HSPA4: variants seen among roughly 807,000 people sequenced by gnomAD.
HSPA4 encodes the protein heat shock 70 kDa protein 4.
HSPA4 carries 25 observed loss-of-function variants against 106.2 expected under a neutral mutation model. That is an observed-to-expected ratio of 0.24 (90% CI 0.17 to 0.33). The LOEUF (loss-of-function observed/expected upper bound fraction) is 0.33, where lower values mean the gene tolerates loss of function less well. Ranked by LOEUF, HSPA4 falls within the 10% of genes least tolerant of loss-of-function variation. HSPA4 has a pLI of 1.00. For missense variants in HSPA4, 841 were observed against 996.0 expected, an observed-to-expected ratio of 0.84 and a Z score of 2.10; for synonymous variants, 332 against 333.6, an observed-to-expected ratio of 1.00 and a Z score of 0.05.
At chr5:133,102,300 C>G (rs1387339802) in intron 17 of HSPA4, among the ~76,000 whole-genome samples, 1 of 152,256 alleles carries the variant, frequency 6.6e-6, no homozygotes, top group East Asian at 1.9e-4. Flanking sequence ...TTTAATAGCA[C>G]TTTTTATTTT....
chr5:133,103,705 T>G (rs1238027672), intron 17 of HSPA4, among the ~76,000 whole-genome samples, 160 bp from the exon 18 acceptor site: 1 of 152,178 alleles, frequency 6.6e-6, no homozygotes, highest in East Asian at 1.9e-4. Context: ...AAAATTGTGG[T>G]TAGGTTTCTT....
At chr5:133,102,226 C>T (rs57376752) in intron 17 of HSPA4, among the ~76,000 whole-genome samples, 3,275 of 152,252 alleles carry the variant, frequency 0.022, 109 homozygotes, top group African/African-American at 0.074. Context: ...CCACTGCTCC[C>T]GGCCGTAAAG....
intron 14 of HSPA4, 27 bp downstream of exon 14, chr5:133,096,277 A>G (rs1157398824): frequency 3.8e-6 from 6 of 1,595,292 alleles, no homozygotes; most frequent in East Asian, 2.2e-5. Flanking sequence ...TATTGGAACA[A>G]TGAGCTAACA....
At chr5:133,088,072 T>C (rs4616886) in intron 8 of HSPA4, among the ~76,000 whole-genome samples, 22,296 of 152,220 alleles carry the variant, frequency 0.15, 2,068 homozygotes, top group Middle Eastern at 0.3. Flanking sequence ...GCTAGCGTGT[T>C]TGAATGTTTG....
chr5:133,063,027 G>A (rs1301754518), intron 1 of HSPA4, among the ~76,000 whole-genome samples: 1 of 152,170 alleles, frequency 6.6e-6, no homozygotes, highest in East Asian at 1.9e-4. Context: ...GAGAGTCAAA[G>A]CTTCAGACAT....
At chr5:133,093,051 G>A (rs1765670079) in intron 13 of HSPA4, among the ~76,000 whole-genome samples, 1 of 148,952 alleles carries the variant, frequency 6.7e-6, no homozygotes. Flanking sequence ...GGCAGGTCTC[G>A]AACTTCTGAC....
chr5:133,056,514 G>A (rs781602545), intron 1 of HSPA4, among the ~76,000 whole-genome samples: 2 of 152,104 alleles, frequency 1.3e-5, no homozygotes, highest in Non-Finnish European at 2.9e-5. Context: ...CAAGTGATCC[G>A]CCCGCCTTGA....
chr5:133,093,141 T>G (rs904933991), intron 13 of HSPA4, among the ~76,000 whole-genome samples: 1 of 152,016 alleles, frequency 6.6e-6, no homozygotes, highest in Non-Finnish European at 1.5e-5. Flanking sequence ...GAGTTGTGTT[T>G]TAGAGTATGC....
At chr5:133,099,428 T>G in intron 15 of HSPA4, 117 bp from the exon 16 acceptor site, 1 of 464,506 alleles carries the variant, frequency 2.2e-6, no homozygotes, top group South Asian at 3.5e-5. Flanking sequence ...CCACTGCACC[T>G]GGCTGCCCTC....
chr5:133,073,213 C>CTT lies in HSPA4; in HGVS notation c.430-6_430-5dup, dbSNP rs756561855. The CTT allele has an allele frequency of 9.2e-4, 1,087 of 1,185,340 alleles. No individual in the cohort carries two copies. Among genetic ancestry groups the CTT allele is most frequent in the Non-Finnish European group, 1.1e-3 (918 of 855,606 alleles). 73.4% of individuals were successfully genotyped at this position (1,185,340 alleles called of 1,614,324 possible). On this transcript the variant is annotated splice_polypyrimidine_tract_variant and intron_variant, in intron 4 of 18. Coordinates refer to ENST00000304858, the MANE Select transcript of HSPA4 (RefSeq NM_002154.4). ...TAGAATCTATAATACAGTAAGCATT[C>CTT]TTTTTTTTTTTTGTAGGTTCCTTGT... is the stretch of plus-strand genomic sequence containing the variant.
chr5:133,088,371 A>G, intron 8 of HSPA4, 33 bp from the exon 9 acceptor site: 1 of 1,456,876 alleles, frequency 6.9e-7, no homozygotes, highest in Non-Finnish European at 9.5e-7. Flanking sequence ...CTTTCATTTC[A>G]TTAAAAAAAT....
intron 6 of HSPA4, among the ~76,000 whole-genome samples, chr5:133,074,827 T>G (rs1249479861): frequency 6.6e-6 from 1 of 152,128 alleles, no homozygotes; most frequent in Non-Finnish European, 1.5e-5. Context: ...CATAGTTGAG[T>G]TTGCTGGTTT....
rs1483169403 is a variant in HSPA4 at position 133,054,152 on chromosome 5, T to C, written c.107+1795T>C. On this transcript the variant is annotated intron_variant, in intron 1 of 18. Transcript: ENST00000304858. ...CCCAGAAGCCAAAACGGTAGTTTGCTGTCCCTTTGCTGAGTTTAGTCTTGT... is the reference window on the plus strand; with the variant it reads ...CCCAGAAGCCAAAACGGTAGTTTGCCGTCCCTTTGCTGAGTTTAGTCTTGT... 3.3e-5 allele frequency among the ~76,000 whole-genome samples: 5 copies of C among 152,316 alleles called. No homozygotes were observed. In the South Asian group the frequency reaches 6.2e-4, roughly 19 times the overall value.
rs557963815 is a variant in HSPA4, at chr5:133,060,182, AT to A, written c.108-4791del. Among the ~76,000 whole-genome samples, 12 of 148,826 alleles carry A rather than the reference AT, an allele frequency of 8.1e-5. 1 individual carries two copies. The South Asian group carries it at 2.3e-3, about 29-fold the overall frequency. On this transcript the variant is annotated intron_variant, in intron 1 of 18. Transcript: ENST00000304858. ...GGTTGTGGAAGTATATATAATTTTT[AT>A]TTTTTTCTTCATACTTGTCTGTTTT...
chr5:133,082,101 A>T (rs1765520339), intron 7 of HSPA4, among the ~76,000 whole-genome samples: 1 of 152,214 alleles, frequency 6.6e-6, no homozygotes, highest in Non-Finnish European at 1.5e-5. Flanking sequence ...CTTGAAAAAA[A>T]TGTAATACAG....
chr5:133,097,252 TTAG>T lies in HSPA4; in HGVS notation c.1897_1899del (p.Ser633del). On this transcript the variant is annotated inframe_deletion, in exon 15 of 19. Coordinates refer to ENST00000304858, the MANE Select transcript of HSPA4 (RefSeq NM_002154.4). ...TATGTGTATGAAATGAGAGACAAGC[TTAG>T]TGGTGAATATGAGAAGTTTGTGAGT... 1.9e-6 allele frequency: 3 copies of T among 1,613,122 alleles called. No homozygotes were observed. Among genetic ancestry groups the T allele is most frequent in the Non-Finnish European group, 1.7e-6 (2 of 1,179,290 alleles).
chr5:133,092,368 C>T (rs993544625), intron 12 of HSPA4, among the ~76,000 whole-genome samples: 1 of 152,170 alleles, frequency 6.6e-6, no homozygotes, highest in African/African-American at 2.4e-5. Flanking sequence ...GAAGCTTATG[C>T]TCTCTTCAGG....
At chr5:133,056,799 A>G (rs1765171068) in intron 1 of HSPA4, among the ~76,000 whole-genome samples, 1 of 152,340 alleles carries the variant, frequency 6.6e-6, no homozygotes, top group East Asian at 1.9e-4. Context: ...CACAAATATA[A>G]CAGATTAATT....
intron 17 of HSPA4, among the ~76,000 whole-genome samples, chr5:133,103,367 T>C (rs571386657): frequency 5.7e-4 from 86 of 149,910 alleles, no homozygotes; most frequent in Middle Eastern, 3.4e-3. Context: ...CGAAAGGCCT[T>C]CTTCTTCTTT....
Sources: gnomAD v4.1 joint callset for allele counts (sites outside exome capture counted in the v4.1 genomes callset) on GRCh38, gnomAD v4.1.1 for gene constraint, MANE v1.5 for transcripts, NCBI Gene and HGNC (gene_info 2026-07-23, HGNC 2026-07-21) for gene names.